The following TSPAN9 variants were observed in gnomAD, a reference collection of about 807,000 sequenced individuals.
The protein encoded by TSPAN9 is tetraspanin-9.
TSPAN9 carries 16 observed loss-of-function variants against 31.0 expected under a neutral mutation model. The ratio of observed to expected loss-of-function variants is 0.52; its 90% CI spans 0.35 to 0.78. TSPAN9 has a LOEUF of 0.78. TSPAN9 is among the 30% of genes least tolerant of loss of function. TSPAN9 has a pLI of 0.01. For synonymous variants in TSPAN9, 145 were observed against 121.6 expected, an observed-to-expected ratio of 1.19 and a Z score of -1.27; for missense variants, 272 against 312.5, an observed-to-expected ratio of 0.87 and a Z score of 0.98.
intron 2 of TSPAN9, among the ~76,000 whole-genome samples, chr12:3,111,677 G>A (rs1199614976): frequency 1.3e-5 from 2 of 150,132 alleles, no homozygotes; most frequent in African/African-American, 2.5e-5. Flanking sequence ...GCAGTGGTGC[G>A]ATCTTGGCTT....
intron 2 of TSPAN9, among the ~76,000 whole-genome samples, chr12:3,085,740 C>T (rs183730081): frequency 1.9e-4 from 29 of 152,274 alleles, no homozygotes; most frequent in African/African-American, 6.7e-4. Context: ...GAGGTGGTTT[C>T]TGAGGTGGGA....
chr12:3,135,303 C>G (rs1244573058), intron 2 of TSPAN9, among the ~76,000 whole-genome samples: 1 of 152,160 alleles, frequency 6.6e-6, no homozygotes, highest in Non-Finnish European at 1.5e-5. Flanking sequence ...TCAGGCTGGT[C>G]TGGAACTCCT....
intron 4 of TSPAN9, 82 bp from the exon 5 acceptor site, chr12:3,278,910 C>T (rs1232468399): frequency 3.7e-5 from 54 of 1,468,142 alleles, no homozygotes; most frequent in Non-Finnish European, 4.6e-5. Context: ...ACCTAGGCGC[C>T]GCCTGTCCCT....
chr12:3,198,633 A>C, intron 2 of TSPAN9, among the ~76,000 whole-genome samples: 2 of 101,804 alleles, frequency 2.0e-5, no homozygotes, highest in Admixed American at 1.1e-4. Flanking sequence ...ACAGGCCACC[A>C]CCAGCACAGC....
Position 3,280,530 on chromosome 12 carries a change from G to A in TSPAN9, c.432+47G>A. On this transcript the variant is annotated intron_variant, in intron 6 of 8. Transcript: ENST00000011898. The surrounding 1 kb of genome is among the most constrained non-coding windows in gnomAD (Gnocchi z 4.5). The stretch of plus-strand genomic sequence containing the variant: ...TGGGGCCAGGCAGGGAGGAGGGGTG[G>A]CGGCCGGTACTTCTAGCTGCCTTCC... 2 of 1,562,294 alleles carry A rather than the reference G, an allele frequency of 1.3e-6. No individual in the cohort carries two copies. The highest frequency in any genetic ancestry group is 1.7e-6 in the Non-Finnish European group (2 of 1,147,432).
At chr12:3,079,531 G>T (rs376718322) in intron 1 of TSPAN9, among the ~76,000 whole-genome samples, 2 of 151,610 alleles carry the variant, frequency 1.3e-5, no homozygotes, top group East Asian at 1.9e-4. Flanking sequence ...GCACTATCTC[G>T]GCTCACTGCA....
At chr12:3,128,952 T>C (rs35886316) in intron 2 of TSPAN9, among the ~76,000 whole-genome samples, 20,681 of 152,152 alleles carry the variant, frequency 0.14, 1,723 homozygotes, top group Middle Eastern at 0.22. Context: ...CCCCTGGTTA[T>C]CATCATCCAT....
intron 3 of TSPAN9, among the ~76,000 whole-genome samples, chr12:3,236,854 A>G (rs1369163503): frequency 6.6e-6 from 1 of 152,202 alleles, no homozygotes; most frequent in Non-Finnish European, 1.5e-5. Context: ...CTGCAGGCTC[A>G]GATCCTGTCA....
At chr12:3,249,391 C>T (rs79782863) in intron 3 of TSPAN9, among the ~76,000 whole-genome samples, 6,979 of 152,254 alleles carry the variant, frequency 0.046, 551 homozygotes, top group African/African-American at 0.16. Context: ...GATCAATTAC[C>T]CGTGCTCATT....
intron 2 of TSPAN9, among the ~76,000 whole-genome samples, chr12:3,179,360 G>A (rs1182850749): frequency 1.3e-5 from 2 of 152,144 alleles, no homozygotes; most frequent in Non-Finnish European, 2.9e-5. Context: ...ACCTGTTCCC[G>A]TCTTTAACAG....
chr12:3,129,346 C>A (rs58114618), intron 2 of TSPAN9, among the ~76,000 whole-genome samples: 7,192 of 152,208 alleles, frequency 0.047, 541 homozygotes, highest in African/African-American at 0.16. Flanking sequence ...ATGTGTTTTC[C>A]GAGGTAGTTT....
intron 2 of TSPAN9, among the ~76,000 whole-genome samples, chr12:3,105,018 C>T (rs1348416274): frequency 6.6e-6 from 1 of 152,162 alleles, no homozygotes; most frequent in East Asian, 1.9e-4. Context: ...GAGGGCAGGC[C>T]CTCTGCTTTA....
chr12:3,247,550 T>TG (rs1260769113), intron 3 of TSPAN9, among the ~76,000 whole-genome samples: 1 of 152,118 alleles, frequency 6.6e-6, no homozygotes, highest in Non-Finnish European at 1.5e-5. Context: ...TTAAGAGAAA[T>TG]GGAGTTTTCC....
At chr12:3,174,743 C>G (rs182777167) in intron 2 of TSPAN9, among the ~76,000 whole-genome samples, 4 of 134,246 alleles carry the variant, frequency 3.0e-5, no homozygotes, top group African/African-American at 9.8e-5. Flanking sequence ...CCACCGCGCC[C>G]GGCTAATTTT....
At chr12:3,269,278 G>C (rs1591716631) in intron 3 of TSPAN9, among the ~76,000 whole-genome samples, 1 of 33,974 alleles carries the variant, frequency 2.9e-5, no homozygotes. Context: ...CTGTGTTCCT[G>C]CAGCCTGCCC....
At position 3,280,029 on chromosome 12, in the gene TSPAN9, GT is replaced by G. The variant is rs1862865050; in HGVS notation, c.331-352del. Among the ~76,000 whole-genome samples the G allele has an allele frequency of 6.6e-6, 1 of 151,946 alleles. No individual in the cohort carries two copies. The highest frequency in any genetic ancestry group is 6.6e-5 in the Admixed American group (1 of 15,248). Reference sequence around the variant, plus strand: ...GGAAGCTGTGTAGTGGGGGGCGGGGGTGGCAGAGTGGCCTGTGTGTGTGGCT... The same window carrying G: ...GGAAGCTGTGTAGTGGGGGGCGGGGGGGCAGAGTGGCCTGTGTGTGTGGCT... On this transcript the variant is annotated intron_variant, in intron 5 of 8. Transcript: ENST00000011898. The surrounding 1 kb of genome is among the most constrained non-coding windows in gnomAD (Gnocchi z 4.5).
At chr12:3,164,099 C>T (rs1264363621) in intron 2 of TSPAN9, among the ~76,000 whole-genome samples, 2 of 152,174 alleles carry the variant, frequency 1.3e-5, no homozygotes. Flanking sequence ...CTGGACCGTT[C>T]ATTAGGTGCA....
chr12:3,264,289 G>A (rs1233645463), intron 3 of TSPAN9, among the ~76,000 whole-genome samples: 1 of 152,176 alleles, frequency 6.6e-6, no homozygotes, highest in African/African-American at 2.4e-5. Context: ...CTTTGGATTT[G>A]CCTCGGCCCC....
intron 2 of TSPAN9, among the ~76,000 whole-genome samples, chr12:3,098,756 C>CTT (rs34790116): frequency 3.6e-5 from 5 of 139,962 alleles, no homozygotes; most frequent in Admixed American, 7.1e-5. Context: ...CTCTCTCTCT[C>CTT]TTTTTTTTTT....
Sources: gnomAD v4.1 joint callset for allele counts (sites outside exome capture counted in the v4.1 genomes callset) on GRCh38, gnomAD v4.1.1 for gene constraint, Gnocchi (gnomAD v3.1) non-coding constraint, MANE v1.5 for transcripts, NCBI Gene and HGNC (gene_info 2026-07-23, HGNC 2026-07-21) for gene names.